H6PD: variants seen among roughly 807,000 people sequenced by gnomAD.
The protein encoded by H6PD is hexose-6-phosphate dehydrogenase/glucose 1-dehydrogenase.
H6PD carries 48 observed loss-of-function variants against 61.2 expected under a neutral mutation model. The ratio of observed to expected loss-of-function variants is 0.78; its 90% CI spans 0.62 to 1.00. The LOEUF (loss-of-function observed/expected upper bound fraction) is 1.00. H6PD is among the 50% of genes least tolerant of loss of function. H6PD has a pLI of 0.00. For missense variants in H6PD, 1,093 were observed against 1,065.0 expected (o/e 1.03, Z -0.37); for synonymous variants, 480 against 457.9 (o/e 1.05, Z -0.62).
Position 9,243,034 on chromosome 1 carries a change from C to T in H6PD, c.-10-1891C>T, listed in dbSNP as rs983679088. The T allele has an allele frequency of 2.0e-5, 18 of 879,360 alleles. No individual in the cohort carries two copies. In the African/African-American group the frequency reaches 3.3e-4, roughly 16 times the overall value. 54.5% of individuals were successfully genotyped at this position (879,360 alleles called of 1,614,324 possible). The stretch of plus-strand genomic sequence containing the variant: ...GTGGGAGAGGAAGGCTGGGGAGCCA[C>T]CCGTGTGGCCCTGATCCTCTAGTTA... On this transcript the variant is annotated intron_variant, in intron 1 of 4. Transcript: ENST00000377403.
chr1:9,266,941 C>A lies in H6PD; in HGVS notation c.*2072C>A, dbSNP rs1340349309. The A allele has an allele frequency of 6.6e-6, 1 of 152,276 alleles. No homozygotes were observed. Among genetic ancestry groups the A allele is most frequent in the Non-Finnish European group, 1.5e-5 (1 of 68,114 alleles). The allele number at this position is 152,276 out of a possible 1,614,324, so 9.4% of individuals were successfully genotyped here. On this transcript the variant is annotated 3_prime_UTR_variant, in exon 5 of 5. Transcript: ENST00000377403. ...GTTCAGGCAATTCTCGTGCCTAAGC[C>A]TCCCGAGTAGCTGCGACTACAGGCG... is the stretch of plus-strand genomic sequence containing the variant.
At chr1:9,250,352 C>T (rs1247862410) in intron 3 of H6PD, among the ~76,000 whole-genome samples, 3 of 151,900 alleles carry the variant, frequency 2.0e-5, no homozygotes, top group African/African-American at 4.8e-5. Flanking sequence ...TCAAAGTGCA[C>T]GGCAGGCCAT....
At chr1:9,241,808 G>T (rs1422870853) in intron 1 of H6PD, among the ~76,000 whole-genome samples, 1 of 152,116 alleles carries the variant, frequency 6.6e-6, no homozygotes, top group Non-Finnish European at 1.5e-5. Flanking sequence ...GTTTAGCATC[G>T]TGACTGAGGG....
rs151245383 is a variant in H6PD at position 9,269,374 on chromosome 1, CCAG to C, written c.*4508_*4510del. 1,371 of 152,408 alleles carry C rather than the reference CCAG, an allele frequency of 9.0e-3. 6 individuals carry two copies. Among genetic ancestry groups the C allele is most frequent in the South Asian group, 0.042 (202 of 4,832 alleles). The allele number at this position is 152,408 out of a possible 1,614,324, so 9.4% of individuals were successfully genotyped here. A position where few individuals can be genotyped will look rare whatever the true frequency, so the allele number is the denominator to read the frequency against. ...AAGGAAGGAAGTTCTTCCAGCCTCA[CCAG>C]CACCTGGCAGCGAGTCAGAGCCTGT... is the stretch of plus-strand genomic sequence containing the variant. On this transcript the variant is annotated 3_prime_UTR_variant, in exon 5 of 5. Coordinates refer to ENST00000377403, the MANE Select transcript of H6PD (RefSeq NM_004285.4). This position sits in a 1 kb window ranked among gnomAD's most constrained non-coding sequence, Gnocchi z 4.3.
rs1638329310 is a variant in H6PD at position 9,262,147 on chromosome 1, G to C, written c.834G>C (p.Glu278Asp). 6.2e-7 allele frequency: 1 copy of C among 1,614,128 alleles called. No individual in the cohort carries two copies. The highest frequency in any genetic ancestry group is 1.3e-5 in the African/African-American group (1 of 74,938). ...LTEVLTLVAM[E>D]LPHNVSSAEA... is the part of the protein sequence containing the mutation. ...AGGTCCTCACCCTCGTGGCCATGGA[G>C]CTGCCCCACAATGTCAGCAGTGCGG... Residue 278 changes from glutamate (E) to aspartate (D), a missense_variant, in exon 4 of 5, where the codon GAG becomes GAC. Glu to Asp is a conservative substitution (Grantham distance 45, BLOSUM62 2). Transcript: ENST00000377403.
chr1:9,252,591 C>A (rs192893708), intron 3 of H6PD, among the ~76,000 whole-genome samples: 42 of 152,254 alleles, frequency 2.8e-4, no homozygotes, highest in African/African-American at 7.9e-4. Flanking sequence ...AATGCACATA[C>A]CACAAAATTT....
Position 9,254,305 on chromosome 1 carries a change from A to G in H6PD, c.745+7222A>G, listed in dbSNP as rs953997091. ...AGGAGGCGAAGGTTACAGTGAGCCA[A>G]GATCGCGCCACTGCACTGCAGCCTG... On this transcript the variant is annotated intron_variant, in intron 3 of 4. Coordinates refer to ENST00000377403, the MANE Select transcript of H6PD (RefSeq NM_004285.4). The surrounding 1 kb of genome is among the most constrained non-coding windows in gnomAD (Gnocchi z 4.6). Among the ~76,000 whole-genome samples the G allele has an allele frequency of 2.0e-5, 3 of 152,184 alleles. No homozygotes were observed. The highest frequency in any genetic ancestry group is 4.8e-5 in the African/African-American group (2 of 41,436).
At chr1:9,261,483 A>G (rs1638286932) in intron 3 of H6PD, among the ~76,000 whole-genome samples, 1 of 151,200 alleles carries the variant, frequency 6.6e-6, no homozygotes, top group African/African-American at 2.4e-5. Flanking sequence ...AATTTTGTTT[A>G]CTTCCTTTTC....
chr1:9,247,560 C>T (rs1225441750), intron 3 of H6PD, among the ~76,000 whole-genome samples: 1 of 152,168 alleles, frequency 6.6e-6, no homozygotes, highest in African/African-American at 2.4e-5. Context: ...GGCCCACTCC[C>T]CTCACCCTCA....
In H6PD at chr1:9,265,304, G is replaced by A. The variant is rs1029813271; in HGVS notation, c.*435G>A. 1.7e-5 allele frequency: 6 copies of A among 346,238 alleles called. No individual in the cohort carries two copies. The highest frequency in any genetic ancestry group is 3.4e-5 in the Non-Finnish European group (6 of 177,530). 21.4% of individuals were successfully genotyped at this position (346,238 alleles called of 1,614,324 possible). Reference sequence around the variant, plus strand: ...GGCTCCCGGGGAACATTCAGAGCATGATTGGTAGACAGAAGGGTGCAGAGG... The same window carrying A: ...GGCTCCCGGGGAACATTCAGAGCATAATTGGTAGACAGAAGGGTGCAGAGG... On this transcript the variant is annotated 3_prime_UTR_variant, in exon 5 of 5. Transcript: ENST00000377403.
intron 3 of H6PD, among the ~76,000 whole-genome samples, chr1:9,260,267 TGTC>T (rs142441975): frequency 0.01 from 1,521 of 149,382 alleles, 15 homozygotes; most frequent in Middle Eastern, 0.027. Flanking sequence ...GCTGTTATGT[TGTC>T]GTTACGCCAG....
At chr1:9,239,971 A>G in intron 1 of H6PD, 3 of 1,231,374 alleles carry the variant, frequency 2.4e-6, no homozygotes, top group Non-Finnish European at 3.0e-6. Flanking sequence ...TTCTGATCCA[A>G]ACCCCCTGGC....
intron 1 of H6PD, among the ~76,000 whole-genome samples, chr1:9,241,647 G>A (rs572888615): frequency 4.5e-4 from 69 of 152,356 alleles, no homozygotes; most frequent in African/African-American, 1.6e-3. Context: ...TGATCCTCCT[G>A]CCTTGGCCTC....
At chr1:9,239,272 C>T (rs1157829603) in intron 1 of H6PD, among the ~76,000 whole-genome samples, 1 of 152,136 alleles carries the variant, frequency 6.6e-6, no homozygotes, top group Non-Finnish European at 1.5e-5. Flanking sequence ...GTCTCAATCT[C>T]CTGGGCTCAA....
At position 9,234,794 on chromosome 1, in the gene H6PD, G is replaced by C. The variant is rs1268977428; in HGVS notation, c.-283G>C. Reference sequence around the variant, plus strand: ...GCCCCAGTCTTGCTGAGCGCAAGGCGGTGGAGGCCTGAGGCCTGAGGCCTG... The same window carrying C: ...GCCCCAGTCTTGCTGAGCGCAAGGCCGTGGAGGCCTGAGGCCTGAGGCCTG... On this transcript the variant is annotated 5_prime_UTR_variant, in exon 1 of 5. Transcript: ENST00000377403. 1.4e-5 allele frequency: 2 copies of C among 146,570 alleles called. No individual in the cohort carries two copies. Among genetic ancestry groups the C allele is most frequent in the Non-Finnish European group, 3.0e-5 (2 of 66,096 alleles). The allele number at this position is 146,570 out of a possible 1,614,324, so 9.1% of individuals were successfully genotyped here.
chr1:9,258,171 T>C (rs1216028378), intron 3 of H6PD, among the ~76,000 whole-genome samples: 13 of 152,242 alleles, frequency 8.5e-5, no homozygotes, highest in Admixed American at 8.5e-4. Context: ...GCTGGTGTTG[T>C]TACGTTGCTA....
intron 3 of H6PD, among the ~76,000 whole-genome samples, chr1:9,250,250 G>A (rs967675390): frequency 6.6e-6 from 1 of 152,176 alleles, no homozygotes; most frequent in Non-Finnish European, 1.5e-5. Context: ...GGTGGACTTG[G>A]CAGGCGAGTG....
rs201017402 is a variant in H6PD, at chr1:9,263,727, G to A, written c.1234G>A (p.Val412Met). The A allele has an allele frequency of 2.3e-4, 377 of 1,613,958 alleles. No individual in the cohort carries two copies. The highest frequency in any genetic ancestry group is 4.4e-4 in the African/African-American group (33 of 75,064). ...CCATGGCGACCTGGGCAGCCCTGCC[G>A]TGCTGGTCAGCAGGAACCTGTTCAG... is the stretch of plus-strand genomic sequence containing the variant. Reference protein sequence around the residue: ...IGHGDLGSPAVLVSRNLFRPS... With the variant: ...IGHGDLGSPAMLVSRNLFRPS... The change falls in exon 5 of 5, where the codon GTG (valine) becomes ATG (methionine). Residue 412 changes from valine (V) to methionine (M), a missense_variant. Val to Met is a conservative substitution (Grantham distance 21, BLOSUM62 1). Coordinates refer to ENST00000377403, the MANE Select transcript of H6PD (RefSeq NM_004285.4).
At position 9,246,949 on chromosome 1, in the gene H6PD, T is replaced by G. The variant is rs769994696; in HGVS notation, c.628-17T>G. 6.4e-7 allele frequency: 1 copy of G among 1,569,408 alleles called. No homozygotes were observed. The highest frequency in any genetic ancestry group is 1.7e-5 in the Admixed American group (1 of 59,964). On this transcript the variant is annotated splice_polypyrimidine_tract_variant and intron_variant, in intron 2 of 4. Transcript: ENST00000377403. ...TGAGAGTATCCTGCAGCACGCCCAG[T>G]CTTCCCCCCCCGACAGGCTGTGGCG...
Sources: allele counts gnomAD v4.1 joint callset (sites outside exome capture counted in the v4.1 genomes callset), GRCh38; gene constraint gnomAD v4.1.1; non-coding constraint Gnocchi (gnomAD v3.1); transcripts MANE v1.5; gene names NCBI Gene and HGNC (gene_info 2026-07-23, HGNC 2026-07-21).